Variants in CACNB2 observed in about 807,000 individuals in gnomAD.
The protein encoded by CACNB2 is voltage-dependent L-type calcium channel subunit beta-2.
In CACNB2, 42 loss-of-function variants were observed where a neutral mutation model predicts 73.3. That is an observed-to-expected ratio of 0.57 (90% CI 0.45 to 0.74). CACNB2 has a LOEUF of 0.74. Among genes scored for constraint, CACNB2 ranks in the 30% least tolerant of loss-of-function variants. The pLI, the probability that CACNB2 is intolerant of heterozygous loss-of-function variation, is 0.00. For missense variants in CACNB2, 940 were observed against 853.0 expected (o/e 1.10, Z -1.27); for synonymous variants, 348 against 310.3 (o/e 1.12, Z -1.28).
chr10:18,251,435 A>G (rs1004304164), intron 2 of CACNB2, among the ~76,000 whole-genome samples: 2 of 151,918 alleles, frequency 1.3e-5, no homozygotes, highest in African/African-American at 4.8e-5. Context: ...TTTAGTAGAG[A>G]TGGGGTTTCA....
At chr10:18,249,228 G>A (rs558247027) in intron 2 of CACNB2, among the ~76,000 whole-genome samples, 6 of 152,248 alleles carry the variant, frequency 3.9e-5, no homozygotes, top group Admixed American at 2.6e-4. Flanking sequence ...TCCTGCGACA[G>A]TGGGTGAACC....
chr10:18,254,126 A>C (rs7082276), intron 2 of CACNB2, among the ~76,000 whole-genome samples: 16 of 152,276 alleles, frequency 1.1e-4, no homozygotes, highest in African/African-American at 3.4e-4. Context: ...GAAAGGAAAA[A>C]GGATGTTTGA....
At chr10:18,504,183 G>A (rs1437983398) in intron 5 of CACNB2, among the ~76,000 whole-genome samples, 1 of 152,200 alleles carries the variant, frequency 6.6e-6, no homozygotes, top group Non-Finnish European at 1.5e-5. Context: ...GTAAGGACCT[G>A]TGGGAGCAGT....
intron 7 of CACNB2, among the ~76,000 whole-genome samples, chr10:18,515,333 T>TC (rs1466196957): frequency 6.6e-6 from 1 of 152,080 alleles, no homozygotes; most frequent in East Asian, 1.9e-4. Flanking sequence ...TCCCTTTTTT[T>TC]CCCCTCTTTT....
chr10:18,208,374 A>G (rs1403903969), intron 2 of CACNB2, among the ~76,000 whole-genome samples: 1 of 152,132 alleles, frequency 6.6e-6, no homozygotes, highest in Non-Finnish European at 1.5e-5. Context: ...TACACTTGGC[A>G]TGCTAAGGTG....
Position 18,527,480 on chromosome 10 carries a change from A to G in CACNB2, c.945-108A>G, listed in dbSNP as rs538381742. ...ATCCTAACACATATGGTTTGAAAAT[A>G]TGGTTGCTATATATATTTCATACTT... On this transcript the variant is annotated intron_variant, in intron 9 of 13. Transcript: ENST00000324631. 5.3e-6 allele frequency: 4 copies of G among 757,682 alleles called. No individual in the cohort carries two copies. In the East Asian group the frequency reaches 9.9e-5, roughly 19 times the overall value. 46.9% of individuals were successfully genotyped at this position (757,682 alleles called of 1,614,324 possible). A position where few individuals can be genotyped will look rare whatever the true frequency, so the allele number is the denominator to read the frequency against.
At chr10:18,508,993 A>T (rs933554494) in intron 6 of CACNB2, among the ~76,000 whole-genome samples, 13 of 152,228 alleles carry the variant, frequency 8.5e-5, no homozygotes, top group African/African-American at 3.1e-4. Flanking sequence ...TGTAATATTT[A>T]AAAAGGTGAT....
chr10:18,279,794 C>T (rs1020017213), intron 2 of CACNB2, among the ~76,000 whole-genome samples: 1 of 152,112 alleles, frequency 6.6e-6, no homozygotes, highest in African/African-American at 2.4e-5. Flanking sequence ...ATTTTCCACC[C>T]GAGAGCTGGG....
intron 2 of CACNB2, among the ~76,000 whole-genome samples, chr10:18,254,705 G>A (rs182474245): frequency 8.5e-5 from 13 of 152,302 alleles, no homozygotes; most frequent in Non-Finnish European, 1.3e-4. Context: ...AGTGGAAGCT[G>A]CAAGCAGCCA....
At chr10:18,146,434 T>G (rs1156715879) in intron 1 of CACNB2, among the ~76,000 whole-genome samples, 1 of 151,550 alleles carries the variant, frequency 6.6e-6, no homozygotes, top group Non-Finnish European at 1.5e-5. Context: ...CTCAGCCTCC[T>G]GAGTAGCTGG....
intron 2 of CACNB2, among the ~76,000 whole-genome samples, chr10:18,392,120 G>C (rs191939414): frequency 1.3e-5 from 2 of 152,156 alleles, no homozygotes; most frequent in East Asian, 3.9e-4. Flanking sequence ...GAAATCTAGG[G>C]GAGGAGAGTG....
chr10:18,385,230 C>A (rs2043174718), intron 2 of CACNB2, among the ~76,000 whole-genome samples: 1 of 151,442 alleles, frequency 6.6e-6, no homozygotes, highest in African/African-American at 2.4e-5. Flanking sequence ...TTGCAGTGAG[C>A]CGAGATTATG....
At chr10:18,318,239 A>T (rs576774640) in intron 2 of CACNB2, among the ~76,000 whole-genome samples, 11 of 152,362 alleles carry the variant, frequency 7.2e-5, no homozygotes, top group African/African-American at 2.6e-4. Context: ...ACAAGGCTGC[A>T]GTAACCAAAA....
intron 2 of CACNB2, among the ~76,000 whole-genome samples, chr10:18,306,731 A>C (rs1387543458): frequency 6.6e-6 from 1 of 152,166 alleles, no homozygotes; most frequent in Non-Finnish European, 1.5e-5. Flanking sequence ...TTTGTTGCCA[A>C]AGACTGAGCT....
intron 5 of CACNB2, among the ~76,000 whole-genome samples, chr10:18,502,982 C>A (rs1479929885): frequency 6.6e-6 from 1 of 151,912 alleles, no homozygotes; most frequent in African/African-American, 2.4e-5. Context: ...AAAAAAGTTG[C>A]CTGTAAAGAT....
chr10:18,220,481 C>T (rs1247331081), intron 2 of CACNB2, among the ~76,000 whole-genome samples: 1 of 151,604 alleles, frequency 6.6e-6, no homozygotes, highest in Non-Finnish European at 1.5e-5. Context: ...AGGCTGGGCT[C>T]ATAATCCTGA....
intron 2 of CACNB2, among the ~76,000 whole-genome samples, chr10:18,303,964 A>G (rs905189854): frequency 6.6e-6 from 1 of 152,124 alleles, no homozygotes; most frequent in Non-Finnish European, 1.5e-5. Flanking sequence ...TTTTATTAGT[A>G]TTGCTTGTTG....
intron 3 of CACNB2, among the ~76,000 whole-genome samples, chr10:18,442,545 G>A (rs2046462447): frequency 6.6e-6 from 1 of 151,706 alleles, no homozygotes; most frequent in South Asian, 2.1e-4. Context: ...GAAATAAGTA[G>A]GCTGTGCACA....
chr10:18,397,174 AG>A (rs2043753527), intron 2 of CACNB2, among the ~76,000 whole-genome samples: 1 of 152,232 alleles, frequency 6.6e-6, no homozygotes, highest in Non-Finnish European at 1.5e-5. Context: ...AAAGCATTAA[AG>A]AAAAAGGGTG....
Sources: allele counts gnomAD v4.1 joint callset (sites outside exome capture counted in the v4.1 genomes callset), GRCh38; gene constraint gnomAD v4.1.1; transcripts MANE v1.5; gene names NCBI Gene and HGNC (gene_info 2026-07-23, HGNC 2026-07-21).